ARHGEF26: variants seen among roughly 807,000 people sequenced by gnomAD.
The protein encoded by ARHGEF26 is Rho guanine nucleotide exchange factor 26.
A neutral mutation model predicts 89.4 loss-of-function variants in ARHGEF26; 59 were observed. The observed-to-expected ratio is 0.66, with a 90% confidence interval of 0.54 to 0.82. ARHGEF26 has a LOEUF of 0.82. Among genes scored for constraint, ARHGEF26 ranks in the 40% least tolerant of loss-of-function variants. The probability of loss-of-function intolerance (pLI) is 0.00; values close to 1 mark genes in which losing one functional copy is unlikely to be tolerated. For synonymous variants in ARHGEF26, 500 were observed against 428.4 expected (o/e 1.17, Z -2.06); for missense variants, 1,234 against 1,085.6 (o/e 1.14, Z -1.92).
intron 4 of ARHGEF26, among the ~76,000 whole-genome samples, chr3:154,141,429 C>CTAA (rs1719375931): frequency 6.6e-6 from 1 of 152,190 alleles, no homozygotes; most frequent in Non-Finnish European, 1.5e-5. Flanking sequence ...AGGTGCTTAA[C>CTAA]TAACTCTGCT....
chr3:154,254,882 C>T (rs1249105256), intron 14 of ARHGEF26, 58 bp downstream of exon 14: 14 of 1,396,918 alleles, frequency 1.0e-5, no homozygotes, highest in Non-Finnish European at 1.4e-5. Context: ...TGCTATAGAC[C>T]CGAGGAGTGT....
At chr3:154,205,171 A>T (rs1020633004) in intron 9 of ARHGEF26, among the ~76,000 whole-genome samples, 1 of 152,106 alleles carries the variant, frequency 6.6e-6, no homozygotes. Context: ...TTTGCTTTAT[A>T]TATCTATGTG....
At chr3:154,150,604 A>G (rs1719964715) in intron 5 of ARHGEF26, among the ~76,000 whole-genome samples, 1 of 152,178 alleles carries the variant, frequency 6.6e-6, no homozygotes. Flanking sequence ...CTAGTCTATG[A>G]ACACCACCTT....
chr3:154,213,548 C>T (rs1040904969), intron 9 of ARHGEF26, among the ~76,000 whole-genome samples: 1 of 152,126 alleles, frequency 6.6e-6, no homozygotes, highest in Admixed American at 6.5e-5. Flanking sequence ...GGTGGCATGA[C>T]TCCAGCTTTT....
At chr3:154,134,424 A>G (rs1267374590) in intron 4 of ARHGEF26, among the ~76,000 whole-genome samples, 2 of 152,196 alleles carry the variant, frequency 1.3e-5, no homozygotes, top group African/African-American at 4.8e-5. Flanking sequence ...GCAGGCAAAG[A>G]GAGAGCTTGT....
intron 12 of ARHGEF26, among the ~76,000 whole-genome samples, chr3:154,242,691 C>T (rs139655971): frequency 2.0e-3 from 299 of 152,270 alleles, no homozygotes; most frequent in African/African-American, 6.6e-3. Flanking sequence ...TATCAAACAG[C>T]ATTGCATGCT....
At chr3:154,129,088 T>G (rs1008442624) in intron 3 of ARHGEF26, among the ~76,000 whole-genome samples, 1 of 152,212 alleles carries the variant, frequency 6.6e-6, no homozygotes. Context: ...ACAGTTTTTT[T>G]AATTAAACTG....
At position 154,256,397 on chromosome 3, in the gene ARHGEF26, AT is replaced by A; in HGVS notation, c.*929del. 1.3e-6 allele frequency: 1 copy of A among 765,982 alleles called. No homozygotes were observed. Among genetic ancestry groups the A allele is most frequent in the Non-Finnish European group, 1.6e-6 (1 of 631,338 alleles). 47.4% of individuals were successfully genotyped at this position (765,982 alleles called of 1,614,324 possible). A position where few individuals can be genotyped will look rare whatever the true frequency, so the allele number is the denominator to read the frequency against. ...GCCACCACGCCCAGCTACTTTTTGT[AT>A]TTTTAGTAGAGACAGGGTTTCATCA... On this transcript the variant is annotated 3_prime_UTR_variant, in exon 15 of 15. Coordinates refer to ENST00000465093, the MANE Select transcript of ARHGEF26 (RefSeq NM_015595.4).
chr3:154,157,840 A>AGT (rs1260469863), intron 6 of ARHGEF26, among the ~76,000 whole-genome samples: 78 of 152,112 alleles, frequency 5.1e-4, no homozygotes, highest in African/African-American at 1.9e-3. Context: ...GGAACATGAG[A>AGT]GTAAGGTATT....
chr3:154,193,484 G>A (rs992121229), intron 8 of ARHGEF26, among the ~76,000 whole-genome samples: 4 of 152,124 alleles, frequency 2.6e-5, no homozygotes, highest in Admixed American at 6.6e-5. Flanking sequence ...AGGGACCAGT[G>A]ACTTGCTAGT....
chr3:154,210,380 G>C (rs1715286801), intron 9 of ARHGEF26, among the ~76,000 whole-genome samples: 1 of 152,086 alleles, frequency 6.6e-6, no homozygotes, highest in African/African-American at 2.4e-5. Context: ...TGCCAGGACT[G>C]GGTTCTTTTC....
chr3:154,145,555 G>T (rs982617433), intron 4 of ARHGEF26, among the ~76,000 whole-genome samples: 6 of 152,140 alleles, frequency 3.9e-5, no homozygotes, highest in African/African-American at 9.7e-5. Context: ...CTACATTTTT[G>T]AGTCTTTTTG....
At chr3:154,154,140 A>G (rs1720187387) in intron 6 of ARHGEF26, among the ~76,000 whole-genome samples, 1 of 152,102 alleles carries the variant, frequency 6.6e-6, no homozygotes, top group Admixed American at 6.5e-5. Flanking sequence ...GGTAAAGTTC[A>G]CGTTATTCTA....
At chr3:154,228,745 T>C (rs1043369909) in intron 11 of ARHGEF26, among the ~76,000 whole-genome samples, 4 of 151,814 alleles carry the variant, frequency 2.6e-5, no homozygotes, top group African/African-American at 7.3e-5. Context: ...GGAGGCGAAC[T>C]GCAAATGCTT....
At chr3:154,186,136 G>GACACCCAC (rs1553743945) in intron 6 of ARHGEF26, among the ~76,000 whole-genome samples, 1 of 146,930 alleles carries the variant, frequency 6.8e-6, no homozygotes, top group Non-Finnish European at 1.5e-5. Flanking sequence ...CACACACTTA[G>GACACCCAC]ACACACACAC....
At chr3:154,168,362 A>G (rs554645103) in intron 6 of ARHGEF26, among the ~76,000 whole-genome samples, 1 of 152,196 alleles carries the variant, frequency 6.6e-6, no homozygotes, top group Non-Finnish European at 1.5e-5. Flanking sequence ...GGATTGCTTG[A>G]GCTTTGGAGT....
At chr3:154,200,106 G>A (rs1714536460) in intron 9 of ARHGEF26, among the ~76,000 whole-genome samples, 2 of 152,056 alleles carry the variant, frequency 1.3e-5, no homozygotes, top group African/African-American at 2.4e-5. Context: ...GCCTGTGGTT[G>A]TAGGGTATTT....
At chr3:154,223,482 G>C (rs1273119461) in intron 10 of ARHGEF26, among the ~76,000 whole-genome samples, 1 of 152,174 alleles carries the variant, frequency 6.6e-6, no homozygotes, top group African/African-American at 2.4e-5. Context: ...AACAAAATGT[G>C]ATATATGCAT....
In ARHGEF26 at chr3:154,240,537, A is replaced by G; in HGVS notation, c.2258A>G (p.His753Arg). The part of the protein sequence containing the change: ...HLFTLTVLSN[H>R]ANEKVEMLLG... ...TTTACTCTGACAGTCCTTAGTAACC[A>G]CGCGAATGAGAAAGTGGAGATGCTA... is the stretch of plus-strand genomic sequence containing the variant. Residue 753 changes from histidine to arginine, a missense_variant, in exon 12 of 15, where the codon CAC (histidine) becomes CGC (arginine). Coordinates refer to ENST00000465093, the MANE Select transcript of ARHGEF26 (RefSeq NM_015595.4). 2 of 1,612,898 alleles carry G rather than the reference A, an allele frequency of 1.2e-6. No individual in the cohort carries two copies. Among genetic ancestry groups the G allele is most frequent in the Non-Finnish European group, 1.7e-6 (2 of 1,179,382 alleles).
Sources: allele counts gnomAD v4.1 joint callset (sites outside exome capture counted in the v4.1 genomes callset), GRCh38; gene constraint gnomAD v4.1.1; transcripts MANE v1.5; gene names NCBI Gene and HGNC (gene_info 2026-07-23, HGNC 2026-07-21).